The following PTPRT variants were observed in gnomAD, a reference collection of about 807,000 sequenced individuals.
The protein encoded by PTPRT is protein tyrosine phosphatase receptor type T, also known as receptor-type tyrosine-protein phosphatase T.
PTPRT carries 56 observed loss-of-function variants against 176.8 expected under a neutral mutation model. The observed-to-expected ratio is 0.32, with a 90% CI of 0.26 to 0.40. The LOEUF is 0.40. PTPRT is among the 10% of genes least tolerant of loss of function. The pLI is 1.00. For synonymous variants in PTPRT, 783 were observed against 739.0 expected, an observed-to-expected ratio of 1.06 and a Z score of -0.96; for missense variants, 1,540 against 1,908.2, an observed-to-expected ratio of 0.81 and a Z score of 3.60.
chr20:43,084,729 A>T (rs552256097), intron 1 of PTPRT, among the ~76,000 whole-genome samples: 3 of 152,192 alleles, frequency 2.0e-5, no homozygotes, highest in Non-Finnish European at 4.4e-5. Context: ...AATCAGAAAA[A>T]AATAAGCATG....
At chr20:43,000,124 T>A (rs1332332612) in intron 1 of PTPRT, among the ~76,000 whole-genome samples, 1 of 150,502 alleles carries the variant, frequency 6.6e-6, no homozygotes. Flanking sequence ...AAAGGAAAAC[T>A]CCCTAGTTTT....
chr20:42,493,233 A>T (rs1453141653), intron 7 of PTPRT, among the ~76,000 whole-genome samples: 1 of 152,204 alleles, frequency 6.6e-6, no homozygotes, highest in East Asian at 1.9e-4. Context: ...TAACCATGGC[A>T]TGCAGCCAGA....
chr20:43,022,848 A>G (rs991233273), intron 1 of PTPRT, among the ~76,000 whole-genome samples: 4 of 152,220 alleles, frequency 2.6e-5, no homozygotes, highest in East Asian at 1.9e-4. Flanking sequence ...CCACCTTGCT[A>G]GAGCCTGATA....
chr20:42,166,712 GT>G (rs1380091753), intron 16 of PTPRT, among the ~76,000 whole-genome samples: 6 of 152,074 alleles, frequency 3.9e-5, no homozygotes, highest in African/African-American at 1.4e-4. Flanking sequence ...TAGGTCAGGA[GT>G]TTCGAGATCA....
At chr20:43,050,807 G>C (rs1987014147) in intron 1 of PTPRT, among the ~76,000 whole-genome samples, 1 of 152,170 alleles carries the variant, frequency 6.6e-6, no homozygotes, top group Non-Finnish European at 1.5e-5. Context: ...GGATACAGAT[G>C]GGCCTGATCT....
intron 7 of PTPRT, among the ~76,000 whole-genome samples, chr20:42,480,989 G>A (rs1221222393): frequency 6.6e-6 from 1 of 151,196 alleles, no homozygotes; most frequent in African/African-American, 2.4e-5. Flanking sequence ...TTCATTCGAG[G>A]CAAGTACAAC....
At chr20:42,955,880 G>A (rs182451350) in intron 1 of PTPRT, among the ~76,000 whole-genome samples, 263 of 150,910 alleles carry the variant, frequency 1.7e-3, no homozygotes, top group African/African-American at 6.2e-3. Context: ...AGGGAGGGAG[G>A]ATGAACCTAT....
intron 16 of PTPRT, among the ~76,000 whole-genome samples, chr20:42,182,230 T>C (rs1404362197): frequency 6.6e-6 from 1 of 152,186 alleles, no homozygotes; most frequent in Non-Finnish European, 1.5e-5. Flanking sequence ...TGGAGGGCAA[T>C]GGGAAGCCAA....
At chr20:42,581,296 C>A (rs539745560) in intron 7 of PTPRT, among the ~76,000 whole-genome samples, 237 of 152,324 alleles carry the variant, frequency 1.6e-3, no homozygotes, top group Admixed American at 4.5e-3. Context: ...AATTTCCAAT[C>A]TGCATTCTCT....
intron 1 of PTPRT, among the ~76,000 whole-genome samples, chr20:43,016,834 G>A (rs1252774064): frequency 6.6e-6 from 1 of 151,816 alleles, no homozygotes; most frequent in Non-Finnish European, 1.5e-5. Context: ...ACCGTGTCCA[G>A]CCCTCTCACT....
At chr20:42,749,718 G>C (rs777872020) in intron 6 of PTPRT, among the ~76,000 whole-genome samples, 9 of 152,212 alleles carry the variant, frequency 5.9e-5, no homozygotes, top group Non-Finnish European at 1.0e-4. Context: ...CTTCCTGCTA[G>C]ACCATGAGCT....
chr20:43,003,367 T>A (rs1053983949), intron 1 of PTPRT, among the ~76,000 whole-genome samples: 1 of 152,124 alleles, frequency 6.6e-6, no homozygotes, highest in Admixed American at 6.6e-5. Flanking sequence ...CTTTTATTTT[T>A]TGTAGAGACT....
intron 3 of PTPRT, among the ~76,000 whole-genome samples, chr20:42,784,666 CT>C (rs139368471): frequency 6.6e-6 from 1 of 152,182 alleles, no homozygotes; most frequent in African/African-American, 2.4e-5. Flanking sequence ...GGGAAAGGGA[CT>C]GAGTTTAAAG....
At chr20:42,535,981 T>C (rs1020218283) in intron 7 of PTPRT, among the ~76,000 whole-genome samples, 3 of 152,146 alleles carry the variant, frequency 2.0e-5, no homozygotes, top group Non-Finnish European at 2.9e-5. Context: ...TGTCTATTAA[T>C]AGGAAGCTTA....
At chr20:42,820,657 A>G (rs6030494) in intron 2 of PTPRT, among the ~76,000 whole-genome samples, 60 of 152,054 alleles carry the variant, frequency 3.9e-4, no homozygotes, top group African/African-American at 1.4e-3. Context: ...TTAACAAAAT[A>G]TATCACTAGT....
the PTPRT span, among the ~76,000 whole-genome samples, chr20:42,047,055 C>G: frequency 4.6e-5 from 7 of 152,184 alleles, no homozygotes; most frequent in African/African-American, 1.7e-4. Context: ...TGCATAGGCC[C>G]TGACAAACTT....
At chr20:43,010,318 A>G (rs116043162) in intron 1 of PTPRT, among the ~76,000 whole-genome samples, 112 of 152,182 alleles carry the variant, frequency 7.4e-4, no homozygotes, top group African/African-American at 2.5e-3. Flanking sequence ...CCAAGACCCA[A>G]GTAGTTGGGT....
At chr20:43,124,614 C>T (rs181390932) in intron 1 of PTPRT, among the ~76,000 whole-genome samples, 162 of 152,288 alleles carry the variant, frequency 1.1e-3, no homozygotes, top group African/African-American at 3.5e-3. Context: ...CTCAAAGAGA[C>T]GCTGTACAAT....
chr20:42,438,384 C>T (rs2059281934), intron 9 of PTPRT, among the ~76,000 whole-genome samples: 1 of 152,100 alleles, frequency 6.6e-6, no homozygotes, highest in Non-Finnish European at 1.5e-5. Flanking sequence ...AAGTTTCTCC[C>T]CTGGTGTTAC....
Sources: allele counts gnomAD v4.1 joint callset (sites outside exome capture counted in the v4.1 genomes callset), GRCh38; gene constraint gnomAD v4.1.1; transcripts MANE v1.5; gene names NCBI Gene and HGNC (gene_info 2026-07-23, HGNC 2026-07-21).